The following FOCAD variants were observed in gnomAD, a reference collection of about 807,000 sequenced individuals.
FOCAD encodes focadhesin, also known as KIAA1797.
Under a neutral mutation model 225.6 loss-of-function variants are expected in FOCAD, and 198 were observed. That is an observed-to-expected ratio of 0.88 (90% CI 0.78 to 0.99). The LOEUF is 0.99. Ranked by LOEUF, FOCAD falls within the 50% of genes least tolerant of loss-of-function variation. FOCAD has a pLI of 0.00. For synonymous variants in FOCAD, 897 were observed against 755.0 expected, an observed-to-expected ratio of 1.19 and a Z score of -3.08; for missense variants, 2,713 against 2,123.6, an observed-to-expected ratio of 1.28 and a Z score of -5.46.
chr9:20,903,293 G>A (rs865879092), intron 21 of FOCAD, among the ~76,000 whole-genome samples: 1 of 151,838 alleles, frequency 6.6e-6, no homozygotes. Flanking sequence ...TTGGGGTAGG[G>A]TAGAAAAATT....
intron 11 of FOCAD, among the ~76,000 whole-genome samples, chr9:20,796,022 T>A (rs1298760216): frequency 6.7e-6 from 1 of 150,140 alleles, no homozygotes; most frequent in African/African-American, 2.4e-5. Flanking sequence ...TGTCCATGTG[T>A]TCTCATTGTT....
At position 20,891,627 on chromosome 9, in the gene FOCAD, G is replaced by A. The variant is rs1480008347; in HGVS notation, c.2625+6397G>A. Among the ~76,000 whole-genome samples, 3 of 152,320 alleles carry A rather than the reference G, an allele frequency of 2.0e-5. No homozygotes were observed. The East Asian group carries it at 5.8e-4, about 29-fold the overall frequency. ...CTCTAACACTCTTTAATTCTGTGAA[G>A]GCTAAGAGAGGTGAGGAAACTGCAG... On this transcript the variant is annotated intron_variant, in intron 21 of 43. Transcript: ENST00000338382.
intron 4 of FOCAD, among the ~76,000 whole-genome samples, chr9:20,738,294 G>A (rs1827314554): frequency 6.6e-6 from 1 of 152,168 alleles, no homozygotes; most frequent in Non-Finnish European, 1.5e-5. Flanking sequence ...ACTTTCTTGA[G>A]GCAATTACAC....
intron 28 of FOCAD, among the ~76,000 whole-genome samples, chr9:20,934,866 T>TTA (rs1835808741): frequency 6.6e-6 from 1 of 151,728 alleles, no homozygotes; most frequent in African/African-American, 2.4e-5. Flanking sequence ...CCCTTTTTTT[T>TTA]ACAATAGCTG....
At chr9:20,888,826 T>G (rs972222452) in intron 21 of FOCAD, among the ~76,000 whole-genome samples, 16 of 152,142 alleles carry the variant, frequency 1.1e-4, no homozygotes, top group Non-Finnish European at 2.2e-4. Context: ...GCCATCCATT[T>G]AAGATGTGAC....
intron 1 of FOCAD, chr9:20,684,626 C>G (rs967183850): frequency 1.3e-5 from 2 of 152,452 alleles, no homozygotes; most frequent in African/African-American, 4.8e-5. Context: ...GACTCGGAAG[C>G]CGGTCGGCGC....
intron 19 of FOCAD, among the ~76,000 whole-genome samples, chr9:20,880,872 G>GT (rs1830613367): frequency 1.3e-5 from 2 of 151,848 alleles, no homozygotes; most frequent in Non-Finnish European, 2.9e-5. Flanking sequence ...AATGTTTTTT[G>GT]TTTTTTTGTT....
At chr9:20,970,972 A>G (rs1051151686) in intron 35 of FOCAD, among the ~76,000 whole-genome samples, 6 of 152,198 alleles carry the variant, frequency 3.9e-5, no homozygotes, top group Non-Finnish European at 8.8e-5. Flanking sequence ...ATATTGTAAC[A>G]GGGTAACTTG....
At chr9:20,807,343 G>A (rs1019595432) in intron 11 of FOCAD, among the ~76,000 whole-genome samples, 12 of 152,264 alleles carry the variant, frequency 7.9e-5, no homozygotes, top group Admixed American at 3.3e-4. Flanking sequence ...GTGTGCACGC[G>A]CCTGTTTTAA....
chr9:20,864,261 A>G (rs1463596739), intron 16 of FOCAD, among the ~76,000 whole-genome samples: 9 of 152,142 alleles, frequency 5.9e-5, no homozygotes. Context: ...TTCTATCCCT[A>G]GTAACTTCAT....
chr9:20,743,524 A>T lies in FOCAD; in HGVS notation c.392+3184A>T, dbSNP rs182289406. ...AAAACAAGAGATATGAGAACCAAGA[A>T]TGTTAGGCGGTGGTTTCCCTTAGCC... On this transcript the variant is annotated intron_variant, in intron 5 of 43. Coordinates refer to ENST00000338382, the MANE Select transcript of FOCAD (RefSeq NM_001375567.1). Among the ~76,000 whole-genome samples, 468 of 152,318 alleles carry T rather than the reference A, an allele frequency of 3.1e-3. 6 individuals are homozygous for T. The highest frequency in any genetic ancestry group is 0.011 in the African/African-American group (454 of 41,560).
At chr9:20,665,821 A>G (rs1587178468) in intron 2 of FOCAD, among the ~76,000 whole-genome samples, 1 of 152,050 alleles carries the variant, frequency 6.6e-6, no homozygotes, top group Non-Finnish European at 1.5e-5. Context: ...GCCTGAGGTC[A>G]GGAGTTTGAG....
At position 20,897,662 on chromosome 9, in the gene FOCAD, T is replaced by A. The variant is rs867168079; in HGVS notation, c.2626-9488T>A. On this transcript the variant is annotated intron_variant, in intron 21 of 43. Coordinates refer to ENST00000338382, the MANE Select transcript of FOCAD (RefSeq NM_001375567.1). ...ACTTTATAATAACAAATAATCCTAATTTTTTTCTCTCATTCCTTGTATCAT... is the reference window on the plus strand; with the variant it reads ...ACTTTATAATAACAAATAATCCTAAATTTTTTCTCTCATTCCTTGTATCAT... Among the ~76,000 whole-genome samples, 3 of 151,908 alleles carry A rather than the reference T, an allele frequency of 2.0e-5. No individual in the cohort carries two copies. In the South Asian group the frequency reaches 6.2e-4, roughly 32 times the overall value.
At position 20,921,195 on chromosome 9, in the gene FOCAD, C is replaced by A. The variant is rs182886385; in HGVS notation, c.2853-2465C>A. Among the ~76,000 whole-genome samples, 16 of 152,226 alleles carry A rather than the reference C, an allele frequency of 1.1e-4. No individual in the cohort carries two copies. The East Asian group carries it at 2.3e-3, about 22-fold the overall frequency. ...CAGATTTAAACCTGAAGATAAAAAT[C>A]ACTGAAGTATTGAGTCACTTTACTA... is the stretch of plus-strand genomic sequence containing the variant. On this transcript the variant is annotated intron_variant, in intron 24 of 43. Coordinates refer to ENST00000338382, the MANE Select transcript of FOCAD (RefSeq NM_001375567.1).
At chr9:20,657,150 G>A (rs1346462257), upstream of FOCAD, among the ~76,000 whole-genome samples, 1 of 152,088 alleles carries the variant, frequency 6.6e-6, no homozygotes, top group Non-Finnish European at 1.5e-5. Flanking sequence ...GAGATCCGCT[G>A]TTAGTCTGAT....
At chr9:20,675,065 C>A (rs1822193191) in intron 2 of FOCAD, among the ~76,000 whole-genome samples, 2 of 152,286 alleles carry the variant, frequency 1.3e-5, no homozygotes, top group Admixed American at 1.3e-4. Flanking sequence ...CCTTGTAAGA[C>A]CCTCTTTTTC....
intron 35 of FOCAD, among the ~76,000 whole-genome samples, chr9:20,971,603 C>A (rs1164726643): frequency 6.6e-6 from 1 of 151,938 alleles, no homozygotes; most frequent in East Asian, 1.9e-4. Flanking sequence ...CCATGCCCAG[C>A]TAATTTTTTG....
chr9:20,942,885 G>A (rs1836809028), intron 28 of FOCAD, among the ~76,000 whole-genome samples: 1 of 152,240 alleles, frequency 6.6e-6, no homozygotes, highest in African/African-American at 2.4e-5. Flanking sequence ...GAGTATTAAA[G>A]AGGCTCTCTG....
In FOCAD at chr9:20,978,410, C is replaced by G; in HGVS notation, c.4333C>G (p.Leu1445Val). 1 of 1,612,174 alleles carries G rather than the reference C, an allele frequency of 6.2e-7. No homozygotes were observed. Among genetic ancestry groups the G allele is most frequent in the Non-Finnish European group, 8.5e-7 (1 of 1,179,014 alleles). ...QAQSSQNAAA[L>V]LGLWVTPPLI... ...ACAGTCATCCCAGAATGCAGCTGCA[C>G]TATTGGGCTTGTGGGTGACACCACC... The change falls in exon 37 of 44, where the codon CTA becomes GTA. Residue 1445 changes from leucine (L) to valine (V), a missense_variant. Coordinates refer to ENST00000338382, the MANE Select transcript of FOCAD (RefSeq NM_001375567.1).
Sources: gnomAD v4.1 joint callset for allele counts (sites outside exome capture counted in the v4.1 genomes callset) on GRCh38, gnomAD v4.1.1 for gene constraint, MANE v1.5 for transcripts, NCBI Gene and HGNC (gene_info 2026-07-23, HGNC 2026-07-21) for gene names.